Variants in RUNX1 observed in about 807,000 individuals in gnomAD.
RUNX1 encodes the protein runt-related transcription factor 1.
Under a neutral mutation model 42.8 loss-of-function variants are expected in RUNX1, and 19 were observed. That is an observed-to-expected ratio of 0.44 (90% confidence interval 0.31 to 0.65). RUNX1 has a LOEUF of 0.65. RUNX1 is among the 30% of genes least tolerant of loss of function. RUNX1 has a pLI of 0.07. For missense variants in RUNX1, 528 were observed against 672.0 expected, an observed-to-expected ratio of 0.79 and a Z score of 2.37; for synonymous variants, 271 against 289.4, an observed-to-expected ratio of 0.94 and a Z score of 0.64.
intron 3 of RUNX1, among the ~76,000 whole-genome samples, chr21:34,891,957 T>C (rs2058084945): frequency 6.6e-6 from 1 of 152,194 alleles, no homozygotes. Flanking sequence ...CTATAGGTGG[T>C]CTCAGAAGAT....
At chr21:34,949,959 A>G (rs913147517) in intron 2 of RUNX1, among the ~76,000 whole-genome samples, 1 of 152,256 alleles carries the variant, frequency 6.6e-6, no homozygotes, top group Non-Finnish European at 1.5e-5. Flanking sequence ...TGTGCTGAGA[A>G]TAACAGAATC....
At chr21:34,962,597 G>A (rs1392864850) in intron 2 of RUNX1, among the ~76,000 whole-genome samples, 4 of 152,118 alleles carry the variant, frequency 2.6e-5, no homozygotes, top group East Asian at 1.9e-4. Context: ...TCTTTACCAC[G>A]CCACCCTGGC....
intron 2 of RUNX1, among the ~76,000 whole-genome samples, chr21:34,963,373 G>A (rs1041731731): frequency 6.6e-6 from 1 of 152,206 alleles, no homozygotes; most frequent in African/African-American, 2.4e-5. Context: ...CTGCAGAGAG[G>A]AGTCCTTGTA....
intron 2 of RUNX1, among the ~76,000 whole-genome samples, chr21:34,947,679 T>A (rs1453814850): frequency 6.6e-6 from 1 of 152,190 alleles, no homozygotes; most frequent in East Asian, 1.9e-4. Context: ...TCATGGTAAA[T>A]GGCACAAAAG....
intron 6 of RUNX1, among the ~76,000 whole-genome samples, chr21:34,842,692 AC>A (rs1438447029): frequency 6.6e-6 from 1 of 152,084 alleles, no homozygotes; most frequent in African/African-American, 2.4e-5. Context: ...ATACAAAAAC[AC>A]AGATGGCACA....
At chr21:34,972,089 C>T (rs1183350441) in intron 2 of RUNX1, among the ~76,000 whole-genome samples, 1 of 152,220 alleles carries the variant, frequency 6.6e-6, no homozygotes, top group Non-Finnish European at 1.5e-5. Context: ...CCAAATCTTT[C>T]TGTAGTTCAT....
chr21:34,908,516 A>G (rs1447587628), intron 2 of RUNX1, among the ~76,000 whole-genome samples: 1 of 152,214 alleles, frequency 6.6e-6, no homozygotes, highest in East Asian at 1.9e-4. Flanking sequence ...AACTGTCACC[A>G]AGGGCTGGGA....
intron 7 of RUNX1, among the ~76,000 whole-genome samples, chr21:34,828,374 C>G (rs146003723): frequency 5.3e-5 from 8 of 152,134 alleles, no homozygotes; most frequent in African/African-American, 1.9e-4. Flanking sequence ...TTATAGTAGA[C>G]TTGTTTTTGA....
rs557685453 is a variant in RUNX1 at position 34,978,128 on chromosome 21, C to T, written c.58+70714G>A. Among the ~76,000 whole-genome samples, 7 of 152,146 alleles carry T rather than the reference C, an allele frequency of 4.6e-5. No individual in the cohort carries two copies. The South Asian group carries it at 8.3e-4, about 18-fold the overall frequency. On this transcript the variant is annotated intron_variant, in intron 2 of 8. Transcript: ENST00000675419. ...AATTTTTTGTAGTTTTTAGTAGAGACGGGGTTTCACCGTGTTAGCCAGGAT... is the reference window on the plus strand; with the variant it reads ...AATTTTTTGTAGTTTTTAGTAGAGATGGGGTTTCACCGTGTTAGCCAGGAT...
At chr21:34,862,028 T>TTA (rs1569064152) in intron 5 of RUNX1, among the ~76,000 whole-genome samples, 1 of 139,712 alleles carries the variant, frequency 7.2e-6, no homozygotes, top group African/African-American at 2.6e-5. Flanking sequence ...TATTTAAAAT[T>TTA]AAAAAAAAAA....
At chr21:35,008,872 A>G (rs1345387640) in intron 2 of RUNX1, among the ~76,000 whole-genome samples, 1 of 152,230 alleles carries the variant, frequency 6.6e-6, no homozygotes, top group Non-Finnish European at 1.5e-5. Context: ...GTCAAGTAGG[A>G]CCTTGCATGA....
At chr21:34,851,984 C>G (rs1184260780) in intron 6 of RUNX1, among the ~76,000 whole-genome samples, 1 of 152,038 alleles carries the variant, frequency 6.6e-6, no homozygotes. Context: ...CTGGCTAACA[C>G]AGTGAAACCC....
chr21:34,810,085 C>G (rs556200930), intron 7 of RUNX1, among the ~76,000 whole-genome samples: 1 of 152,324 alleles, frequency 6.6e-6, no homozygotes, highest in Non-Finnish European at 1.5e-5. Flanking sequence ...TGGGAGAGGC[C>G]GAGGGGGCAT....
intron 7 of RUNX1, among the ~76,000 whole-genome samples, chr21:34,819,756 C>A (rs1331838765): frequency 6.6e-6 from 1 of 152,242 alleles, no homozygotes; most frequent in Non-Finnish European, 1.5e-5. Context: ...CATCAGTCAG[C>A]ACCAGCCTCC....
At chr21:34,849,957 T>A in intron 6 of RUNX1, among the ~76,000 whole-genome samples, 1 of 151,576 alleles carries the variant, frequency 6.6e-6, no homozygotes, top group East Asian at 1.9e-4. Flanking sequence ...GTGGTAGTAG[T>A]GGAGTTCCAT....
At chr21:34,921,452 T>C (rs1033211167) in intron 2 of RUNX1, among the ~76,000 whole-genome samples, 3 of 152,224 alleles carry the variant, frequency 2.0e-5, no homozygotes, top group Non-Finnish European at 4.4e-5. Context: ...ATCCATATTG[T>C]AGCATAAGTC....
Position 34,889,682 on chromosome 21 carries a change from C to T in RUNX1, c.98-2586G>A, listed in dbSNP as rs1265525672. ...GCCCCAGGTGCGGAACCCACCCCGG[C>T]TTCGCGTGCGGGCGGCCGCTTCCCC... On this transcript the variant is annotated intron_variant, in intron 3 of 8. Coordinates refer to ENST00000675419, the MANE Select transcript of RUNX1 (RefSeq NM_001754.5). 5 of 1,163,606 alleles carry T rather than the reference C, an allele frequency of 4.3e-6. 1 individual carries two copies. The South Asian group carries it at 9.5e-5, about 22-fold the overall frequency. The allele number at this position is 1,163,606 out of a possible 1,614,324, so 72.1% of individuals were successfully genotyped here.
chr21:35,020,742 T>G (rs1351189490), intron 2 of RUNX1, among the ~76,000 whole-genome samples: 2 of 152,190 alleles, frequency 1.3e-5, no homozygotes, highest in African/African-American at 4.8e-5. Flanking sequence ...GATGTGCAAG[T>G]GAGAATCTTG....
At chr21:34,951,768 C>T (rs1308383680) in intron 2 of RUNX1, among the ~76,000 whole-genome samples, 1 of 152,158 alleles carries the variant, frequency 6.6e-6, no homozygotes, top group African/African-American at 2.4e-5. Context: ...AAAGCTTTTA[C>T]ACTGTTGGTG....
Sources: gnomAD v4.1 joint callset for allele counts (sites outside exome capture counted in the v4.1 genomes callset) on GRCh38, gnomAD v4.1.1 for gene constraint, MANE v1.5 for transcripts, NCBI Gene and HGNC (gene_info 2026-07-23, HGNC 2026-07-21) for gene names.